Variants in MPPED2 observed in about 807,000 individuals in gnomAD.
The protein encoded by MPPED2 is metallophosphoesterase domain containing 2, also known as metallophosphoesterase MPPED2.
In MPPED2, 5 loss-of-function variants were observed where a neutral mutation model predicts 33.0. The observed-to-expected ratio is 0.15, with a 90% CI of 0.08 to 0.32. The LOEUF is 0.32. Ranked by LOEUF, MPPED2 falls within the 10% of genes least tolerant of loss-of-function variation. The pLI, the probability that MPPED2 is intolerant of heterozygous loss-of-function variation, is 1.00. For synonymous variants in MPPED2, 136 were observed against 141.9 expected (o/e 0.96, Z 0.29); for missense variants, 275 against 372.1 (o/e 0.74, Z 2.15).
At chr11:30,503,597 C>T (rs1952670102) in intron 3 of MPPED2, among the ~76,000 whole-genome samples, 1 of 152,222 alleles carries the variant, frequency 6.6e-6, no homozygotes, top group African/African-American at 2.4e-5. Flanking sequence ...AAAACCCCAG[C>T]ATTCAGCAGT....
intron 1 of MPPED2, 105 bp downstream of exon 1, chr11:30,585,937 G>C (rs1320375025): frequency 6.6e-6 from 1 of 152,248 alleles, no homozygotes; most frequent in Non-Finnish European, 1.5e-5. Flanking sequence ...CCCGGGCTCC[G>C]CTTTGTGTGT....
chr11:30,483,347 G>A (rs1019966648), intron 4 of MPPED2, among the ~76,000 whole-genome samples: 5 of 152,136 alleles, frequency 3.3e-5, no homozygotes, highest in African/African-American at 1.2e-4. Context: ...ATCAGCATAG[G>A]CTAAAATCCT....
At chr11:30,580,531 A>G in intron 1 of MPPED2, 37 bp from the exon 2 acceptor site, 45 of 1,411,384 alleles carry the variant, frequency 3.2e-5, no homozygotes, top group South Asian at 1.3e-4. Context: ...AATGAGAACA[A>G]AGAGAAAAAG....
At chr11:30,517,969 T>C (rs1953628523) in intron 3 of MPPED2, among the ~76,000 whole-genome samples, 1 of 152,220 alleles carries the variant, frequency 6.6e-6, no homozygotes, top group African/African-American at 2.4e-5. Context: ...GAACTCACCA[T>C]GTACACTGAC....
At chr11:30,433,574 C>A (rs189653399) in intron 4 of MPPED2, among the ~76,000 whole-genome samples, 46 of 152,320 alleles carry the variant, frequency 3.0e-4, no homozygotes, top group Admixed American at 2.5e-3. Context: ...GGAAGCCGAT[C>A]TCCTTGAATG....
intron 4 of MPPED2, among the ~76,000 whole-genome samples, chr11:30,473,745 AG>A (rs2134076611): frequency 6.6e-6 from 1 of 152,338 alleles, no homozygotes; most frequent in African/African-American, 2.4e-5. Flanking sequence ...TTCTGATTCA[AG>A]ACAGTTACCA....
intron 3 of MPPED2, among the ~76,000 whole-genome samples, chr11:30,502,410 C>G (rs926645986): frequency 6.6e-6 from 1 of 152,182 alleles, no homozygotes; most frequent in African/African-American, 2.4e-5. Context: ...ATATCACAGA[C>G]TTCTCCTGTA....
At chr11:30,509,903 T>C (rs1953058227) in intron 3 of MPPED2, among the ~76,000 whole-genome samples, 1 of 152,148 alleles carries the variant, frequency 6.6e-6, no homozygotes, top group Non-Finnish European at 1.5e-5. Flanking sequence ...TGCAGACCAA[T>C]CCTCTCCTTC....
chr11:30,491,424 A>G (rs1489616553), intron 4 of MPPED2, among the ~76,000 whole-genome samples: 1 of 152,202 alleles, frequency 6.6e-6, no homozygotes, highest in African/African-American at 2.4e-5. Flanking sequence ...GCTAAAACTT[A>G]TCTAATCTCA....
intron 4 of MPPED2, among the ~76,000 whole-genome samples, chr11:30,437,546 A>C (rs1949376809): frequency 6.6e-6 from 1 of 152,124 alleles, no homozygotes; most frequent in Non-Finnish European, 1.5e-5. Flanking sequence ...TCACCTAGGC[A>C]TGACTCTGAG....
chr11:30,480,068 T>C (rs1227167492), intron 4 of MPPED2, among the ~76,000 whole-genome samples: 1 of 152,118 alleles, frequency 6.6e-6, no homozygotes, highest in Non-Finnish European at 1.5e-5. Flanking sequence ...GGTGTTTAGC[T>C]GTGATCTAGA....
intron 3 of MPPED2, among the ~76,000 whole-genome samples, chr11:30,511,053 G>T (rs1035008770): frequency 6.6e-6 from 1 of 152,128 alleles, no homozygotes; most frequent in South Asian, 2.1e-4. Context: ...CAAGGGTCTT[G>T]CAAAGTCAGG....
At chr11:30,499,979 C>G (rs1366329901) in intron 3 of MPPED2, among the ~76,000 whole-genome samples, 1 of 152,210 alleles carries the variant, frequency 6.6e-6, no homozygotes, top group Admixed American at 6.5e-5. Flanking sequence ...GACCTCCAGT[C>G]TGCCAAGAGA....
chr11:30,556,217 A>T (rs142668270), intron 2 of MPPED2, among the ~76,000 whole-genome samples: 13 of 152,292 alleles, frequency 8.5e-5, no homozygotes, highest in African/African-American at 3.1e-4. Flanking sequence ...GGATCCTTGG[A>T]GACCATCTTC....
At chr11:30,486,312 T>C (rs1951740223) in intron 4 of MPPED2, among the ~76,000 whole-genome samples, 1 of 152,122 alleles carries the variant, frequency 6.6e-6, no homozygotes, top group African/African-American at 2.4e-5. Context: ...CAGTTCAGAG[T>C]ACAAAATAAG....
At chr11:30,500,940 C>T (rs936190165) in intron 3 of MPPED2, among the ~76,000 whole-genome samples, 5 of 152,318 alleles carry the variant, frequency 3.3e-5, no homozygotes, top group African/African-American at 1.2e-4. Flanking sequence ...GCCAATGTCA[C>T]ATTTTCTTCC....
chr11:30,422,523 G>A (rs1048554346), intron 4 of MPPED2, among the ~76,000 whole-genome samples: 4 of 152,104 alleles, frequency 2.6e-5, no homozygotes, highest in Admixed American at 2.6e-4. Flanking sequence ...GCTTTATCCA[G>A]TTGAGTTTCA....
At position 30,411,113 on chromosome 11, in the gene MPPED2, A is replaced by G. The variant is rs1457906474; in HGVS notation, c.*355T>C. On this transcript the variant is annotated 3_prime_UTR_variant, in exon 7 of 7. Transcript: ENST00000358117. ...GCAAATCTGTGTTGGTTTTTAAAAC[A>G]CTGCCTGTTTCTTATTTTTTTTTCT... 9 of 992,452 alleles carry G rather than the reference A, an allele frequency of 9.1e-6. No individual in the cohort carries two copies. The highest frequency in any genetic ancestry group is 1.1e-5 in the Non-Finnish European group (9 of 834,282). The allele number at this position is 992,452 out of a possible 1,614,324, so 61.5% of individuals were successfully genotyped here.
intron 4 of MPPED2, among the ~76,000 whole-genome samples, chr11:30,455,679 G>A (rs17399949): frequency 0.046 from 7,024 of 152,230 alleles, 223 homozygotes; most frequent in Non-Finnish European, 0.071. Flanking sequence ...ATGCCTGTGC[G>A]CTTCATCAAC....
Sources: gnomAD v4.1 joint callset for allele counts (sites outside exome capture counted in the v4.1 genomes callset) on GRCh38, gnomAD v4.1.1 for gene constraint, MANE v1.5 for transcripts, NCBI Gene and HGNC (gene_info 2026-07-23, HGNC 2026-07-21) for gene names.